Variants in MADCAM1 observed in about 807,000 individuals in gnomAD.
MADCAM1 encodes mucosal addressin cell adhesion molecule 1.
MADCAM1 carries 19 observed loss-of-function variants against 26.1 expected under a neutral mutation model. The observed-to-expected ratio is 0.73, with a 90% CI of 0.51 to 1.07. The LOEUF is 1.07. Ranked by LOEUF, MADCAM1 falls within the 50% of genes least tolerant of loss-of-function variation. The pLI, the probability that MADCAM1 is intolerant of heterozygous loss-of-function variation, is 0.00. For synonymous variants in MADCAM1, 268 were observed against 260.9 expected, an observed-to-expected ratio of 1.03 and a Z score of -0.26; for missense variants, 514 against 542.1, an observed-to-expected ratio of 0.95 and a Z score of 0.51.
At chr19:504,493 C>A (rs1011729018) in intron 4 of MADCAM1, among the ~76,000 whole-genome samples, 3 of 152,048 alleles carry the variant, frequency 2.0e-5, no homozygotes, top group African/African-American at 7.2e-5. Flanking sequence ...CTCCTGACCT[C>A]GTGATCCACC....
chr19:498,989 G>A (rs1196352339), intron 3 of MADCAM1, 164 bp downstream of exon 3: 1 of 1,067,052 alleles, frequency 9.4e-7, no homozygotes, highest in Admixed American at 2.1e-5. Context: ...ACATGTATTT[G>A]CCGAGCACCT....
At position 498,835 on chromosome 19, in the gene MADCAM1, C is replaced by T; in HGVS notation, c.667+10C>T. 4.0e-6 allele frequency: 5 copies of T among 1,240,204 alleles called. No homozygotes were observed. The highest frequency in any genetic ancestry group is 5.1e-6 in the Non-Finnish European group (5 of 977,178). The allele number at this position is 1,240,204 out of a possible 1,614,324, so 76.8% of individuals were successfully genotyped here. On this transcript the variant is annotated intron_variant, in intron 3 of 4. Transcript: ENST00000215637. ...CGCCAGGCCATCCCCGGTGAGTCCG[C>T]TGGGTGCCCTGGAGACCCACCCGCT...
In MADCAM1 at chr19:504,774, G is replaced by A. The variant is rs138020018; in HGVS notation, c.958G>A (p.Ala320Thr). 203 of 1,608,604 alleles carry A rather than the reference G, an allele frequency of 1.3e-4. 1 individual carries two copies. Among genetic ancestry groups the A allele is most frequent in the Admixed American group, 1.1e-3 (68 of 59,952 alleles). Residue 320 changes from alanine to threonine, a missense_variant, in exon 5 of 5, where the codon GCG becomes ACG. By Grantham distance (58) the Ala-to-Thr change is moderately conservative (BLOSUM62 0). Coordinates refer to ENST00000215637, the MANE Select transcript of MADCAM1 (RefSeq NM_130760.3). ...SSKPAGDQLP[A>T]ALWTSSAVLG... Reference sequence around the variant, plus strand: ...CAAACCTGCGGGTGACCAGCTGCCCGCGGCTCTGTGGACCAGCAGTGCGGT... The same window carrying A: ...CAAACCTGCGGGTGACCAGCTGCCCACGGCTCTGTGGACCAGCAGTGCGGT...
rs1568316340 is a variant in MADCAM1, at chr19:497,945, G to A, written c.165G>A (p.Gly55=). ...GCCGCCTGGCCTGCGCGGACCGCGGGGCCTCGGTGCAGTGGCGGGGCCTGG... is the reference window on the plus strand; with the variant it reads ...GCCGCCTGGCCTGCGCGGACCGCGGAGCCTCGGTGCAGTGGCGGGGCCTGG... The part of the protein sequence containing the change: ...LTCRLACADR[G]ASVQWRGLDT... The change falls in exon 2 of 5, where the codon GGG becomes GGA. Residue 55 remains glycine, a synonymous_variant. Coordinates refer to ENST00000215637, the MANE Select transcript of MADCAM1 (RefSeq NM_130760.3). 1 of 1,434,456 alleles carries A rather than the reference G, an allele frequency of 7.0e-7. No homozygotes were observed. Among genetic ancestry groups the A allele is most frequent in the Non-Finnish European group, 9.1e-7 (1 of 1,100,298 alleles). 88.9% of individuals were successfully genotyped at this position (1,434,456 alleles called of 1,614,324 possible).
In MADCAM1 at chr19:498,053, C is replaced by T; in HGVS notation, c.273C>T (p.Thr91=). 6.8e-7 allele frequency: 1 copy of T among 1,480,976 alleles called. No individual in the cohort carries two copies. Among genetic ancestry groups the T allele is most frequent in the Non-Finnish European group, 8.9e-7 (1 of 1,121,650 alleles). 91.7% of individuals were successfully genotyped at this position (1,480,976 alleles called of 1,614,324 possible). Residue 91 remains threonine (T), a synonymous_variant, in exon 2 of 5, where the codon ACC becomes ACT. Coordinates refer to ENST00000215637, the MANE Select transcript of MADCAM1 (RefSeq NM_130760.3). ...ACGCCTCGCTGTCGGCGGCCGGGAC[C>T]CGCGTGTGCGTGGGCTCCTGCGGGG... ...VRNASLSAAG[T]RVCVGSCGGR...
intron 1 of MADCAM1, among the ~76,000 whole-genome samples, chr19:496,777 T>A (rs922217837): frequency 1.1e-3 from 1 of 886 alleles, no homozygotes; most frequent in Non-Finnish European, 2.0e-3. Context: ...CTCAGGAGAG[T>A]GGAGGGGGCT....
Position 501,911 on chromosome 19 carries a change from G to A in MADCAM1, c.910G>A (p.Glu304Lys). The A allele has an allele frequency of 1.4e-6, 2 of 1,399,846 alleles. No individual in the cohort carries two copies. 86.7% of individuals were successfully genotyped at this position (1,399,846 alleles called of 1,614,324 possible). Residue 304 changes from glutamate (E) to lysine (K), a missense_variant, in exon 4 of 5, where the codon GAA becomes AAA. Physicochemically the swap from Glu to Lys is moderately conservative, Grantham distance 56. Transcript: ENST00000215637. ...EISQAGPTQG[E>K]VIPTGSSKPA... The stretch of plus-strand genomic sequence containing the variant: ...CTCCCAGGCTGGGCCCACGCAGGGA[G>A]AAGTGATCCCAACAGGCTGTGAGTT...
chr19:498,766 A>G lies in MADCAM1; in HGVS notation c.608A>G (p.Tyr203Cys). 1 of 1,498,464 alleles carries G rather than the reference A, an allele frequency of 6.7e-7. No individual in the cohort carries two copies. The highest frequency in any genetic ancestry group is 8.8e-7 in the Non-Finnish European group (1 of 1,134,238). 92.8% of individuals were successfully genotyped at this position (1,498,464 alleles called of 1,614,324 possible). The change falls in exon 3 of 5, where the codon TAC becomes TGC. Residue 203 changes from tyrosine to cysteine, a missense_variant. Around this residue, in one of 3 missense-constraint regions of MADCAM1, gnomAD observed 317 missense variants for 313.6 expected, o/e 1.01. Coordinates refer to ENST00000215637, the MANE Select transcript of MADCAM1 (RefSeq NM_130760.3). ...GGGACCCCTGTCCCGCCCGCCCTCTACTGCCAGGCCACGATGAGGCTGCCT... is the reference window on the plus strand; with the variant it reads ...GGGACCCCTGTCCCGCCCGCCCTCTGCTGCCAGGCCACGATGAGGCTGCCT... ...PLGTPVPPAL[Y>C]CQATMRLPGL...
At position 498,124 on chromosome 19, in the gene MADCAM1, C is replaced by T. The variant is rs1354763647; in HGVS notation, c.337+7C>T. On this transcript the variant is annotated splice_region_variant and intron_variant, in intron 2 of 4. Transcript: ENST00000215637. ...GTGCAGCTCCTTGTGTACGGTGAGG[C>T]GTCCCCCCGCGCCCTGCCTCTCTGA... The T allele has an allele frequency of 7.6e-7, 1 of 1,317,142 alleles. No individual in the cohort carries two copies. The highest frequency in any genetic ancestry group is 2.1e-5 in the South Asian group (1 of 48,332). 81.6% of individuals were successfully genotyped at this position (1,317,142 alleles called of 1,614,324 possible).
Position 501,763 on chromosome 19 carries a change from G to C in MADCAM1, c.762G>C (p.Gln254His), listed in dbSNP as rs1399148322. The C allele has an allele frequency of 1.3e-6, 2 of 1,590,598 alleles. No individual in the cohort carries two copies. The highest frequency in any genetic ancestry group is 1.7e-6 in the Non-Finnish European group (2 of 1,168,688). ...TSPESPDTTS[Q>H]EPPDTTSPEP... is the part of the protein sequence containing the mutation. The stretch of plus-strand genomic sequence containing the variant: ...CGGAGTCTCCCGACACCACCTCCCA[G>C]GAGCCTCCCGACACCACCTCCCCGG... The change falls in exon 4 of 5, where the codon CAG becomes CAC. Residue 254 changes from glutamine (Q) to histidine (H), a missense_variant. Gln to His is a conservative substitution (Grantham distance 24). Around this residue, in one of 3 missense-constraint regions of MADCAM1, gnomAD observed 45 missense variants for 91.8 expected, o/e 0.49. Transcript: ENST00000215637.
At chr19:503,347 C>T (rs1366460326) in intron 4 of MADCAM1, among the ~76,000 whole-genome samples, 18 of 151,042 alleles carry the variant, frequency 1.2e-4, no homozygotes, top group East Asian at 3.9e-4. Context: ...TTTGGGAGGC[C>T]AAGGCGGGCG....
chr19:505,064 C>T lies in MADCAM1; in HGVS notation c.*99C>T, dbSNP rs558308475. Reference sequence around the variant, plus strand: ...TGCCTCCCATTCTACTCAAAGTCATCCCTCTGTTCACAGAGATGGATGCAT... The same window carrying T: ...TGCCTCCCATTCTACTCAAAGTCATTCCTCTGTTCACAGAGATGGATGCAT... On this transcript the variant is annotated 3_prime_UTR_variant, in exon 5 of 5. Transcript: ENST00000215637. 5 of 871,896 alleles carry T rather than the reference C, an allele frequency of 5.7e-6. No homozygotes were observed. The Admixed American group carries it at 1.5e-4, about 25-fold the overall frequency. The allele number at this position is 871,896 out of a possible 1,614,324, so 54.0% of individuals were successfully genotyped here.
intron 3 of MADCAM1, among the ~76,000 whole-genome samples, chr19:499,601 T>C (rs2145819118): frequency 6.6e-6 from 1 of 152,348 alleles, no homozygotes; most frequent in East Asian, 1.9e-4. Context: ...TTTCGTTTCT[T>C]GACACCTTGG....
chr19:498,774 G>T lies in MADCAM1; in HGVS notation c.616G>T (p.Ala206Ser), dbSNP rs894972910. The T allele has an allele frequency of 3.1e-5, 46 of 1,503,066 alleles. No individual in the cohort carries two copies. In the East Asian group the frequency reaches 1.1e-3, roughly 37 times the overall value. 93.1% of individuals were successfully genotyped at this position (1,503,066 alleles called of 1,614,324 possible). A position where few individuals can be genotyped will look rare whatever the true frequency, so the allele number is the denominator to read the frequency against. ...TGTCCCGCCCGCCCTCTACTGCCAG[G>T]CCACGATGAGGCTGCCTGGCTTGGA... Reference protein sequence around the residue: ...TPVPPALYCQATMRLPGLELS... With the variant: ...TPVPPALYCQSTMRLPGLELS... The change falls in exon 3 of 5, where the codon GCC (alanine) becomes TCC (serine). Residue 206 changes from alanine to serine, a missense_variant. Physicochemically the swap from Ala to Ser is moderately conservative, Grantham distance 99. Around this residue, in one of 3 missense-constraint regions of MADCAM1, gnomAD observed 317 missense variants for 313.6 expected, o/e 1.01. Transcript: ENST00000215637.
Position 497,907 on chromosome 19 carries a change from C to T in MADCAM1, c.127C>T (p.Arg43Cys), listed in dbSNP as rs754527343. The part of the protein sequence containing the change: ...PVVAVALGAS[R>C]QLTCRLACAD... ...GGTGGCCGTGGCCTTGGGCGCCTCG[C>T]GCCAGCTCACCTGCCGCCTGGCCTG... Residue 43 changes from arginine to cysteine, a missense_variant, in exon 2 of 5, where the codon CGC becomes TGC. Physicochemically the swap from Arg to Cys is radical, Grantham distance 180. Around this residue, in one of 3 missense-constraint regions of MADCAM1, gnomAD observed 317 missense variants for 313.6 expected, o/e 1.01. Coordinates refer to ENST00000215637, the MANE Select transcript of MADCAM1 (RefSeq NM_130760.3). The T allele has an allele frequency of 6.0e-5, 82 of 1,374,864 alleles. No individual in the cohort carries two copies. The African/African-American group carries it at 1.2e-3, about 20-fold the overall frequency. 85.2% of individuals were successfully genotyped at this position (1,374,864 alleles called of 1,614,324 possible). A position where few individuals can be genotyped will look rare whatever the true frequency, so the allele number is the denominator to read the frequency against.
At position 497,828 on chromosome 19, in the gene MADCAM1, C is replaced by G. The variant is rs1033077307; in HGVS notation, c.53-5C>G. 3 of 1,290,576 alleles carry G rather than the reference C, an allele frequency of 2.3e-6. No homozygotes were observed. Among genetic ancestry groups the G allele is most frequent in the Non-Finnish European group, 2.9e-6 (3 of 1,022,710 alleles). The allele number at this position is 1,290,576 out of a possible 1,614,324, so 79.9% of individuals were successfully genotyped here. ...GGGGCTGAGCGAGAGCCGCGGTCGC[C>G]GCAGGCCAGTCCCTCCAGGTGAAGC... On this transcript the variant is annotated splice_polypyrimidine_tract_variant and splice_region_variant and intron_variant, in intron 1 of 4. Coordinates refer to ENST00000215637, the MANE Select transcript of MADCAM1 (RefSeq NM_130760.3).
intron 3 of MADCAM1, chr19:500,213 G>C: frequency 2.2e-6 from 1 of 456,190 alleles, no homozygotes; most frequent in South Asian, 1.5e-5. Flanking sequence ...TCGCTCTCAG[G>C]GCAGCCCAAA....
At chr19:498,142 C>T (rs1978295289) in intron 2 of MADCAM1, 25 bp downstream of exon 2, 1 of 1,306,332 alleles carries the variant, frequency 7.7e-7, no homozygotes, top group Non-Finnish European at 9.7e-7. Context: ...CGCGCCCTGC[C>T]TCTCTGACCC....
intron 3 of MADCAM1, 38 bp downstream of exon 3, chr19:498,863 C>A: frequency 1.5e-6 from 2 of 1,375,756 alleles, no homozygotes; most frequent in Admixed American, 2.6e-5. Context: ...CACCCGCTCG[C>A]CAGCCTTGAC....
Sources: allele counts gnomAD v4.1 joint callset (sites outside exome capture counted in the v4.1 genomes callset), GRCh38; gene constraint gnomAD v4.1.1; regional missense constraint gnomAD v4.1.1; transcripts MANE v1.5; gene names NCBI Gene and HGNC (gene_info 2026-07-23, HGNC 2026-07-21).